Variants in GREM2 observed in about 807,000 individuals in gnomAD.
GREM2 encodes gremlin-2.
A neutral mutation model predicts 14.2 loss-of-function variants in GREM2; 11 were observed. The observed-to-expected ratio is 0.78, with a 90% CI of 0.49 to 1.28. GREM2 has a LOEUF of 1.28. Among genes scored for constraint, GREM2 ranks in the 50% most tolerant of loss-of-function variants. The pLI is 0.00. For missense variants in GREM2, 210 were observed against 218.5 expected, an observed-to-expected ratio of 0.96 and a Z score of 0.24; for synonymous variants, 98 against 97.6, an observed-to-expected ratio of 1.00 and a Z score of -0.02.
intron 1 of GREM2, among the ~76,000 whole-genome samples, chr1:240,499,564 G>T (rs1239087190): frequency 6.6e-6 from 1 of 152,158 alleles, no homozygotes; most frequent in Non-Finnish European, 1.5e-5. Flanking sequence ...GCTACTAAAG[G>T]CACTTCATCG....
chr1:240,560,391 G>T (rs1393903264), intron 1 of GREM2, among the ~76,000 whole-genome samples: 1 of 152,104 alleles, frequency 6.6e-6, no homozygotes, highest in Admixed American at 6.5e-5. Context: ...AACGTCTCAG[G>T]TCTCAGGTCA....
chr1:240,553,115 C>T (rs892009655), intron 1 of GREM2, among the ~76,000 whole-genome samples: 2 of 152,150 alleles, frequency 1.3e-5, no homozygotes, highest in African/African-American at 2.4e-5. Context: ...TCAGAAATCA[C>T]GAAGACTTTG....
intron 1 of GREM2, among the ~76,000 whole-genome samples, chr1:240,522,634 T>C (rs1467671807): frequency 6.6e-6 from 1 of 152,208 alleles, no homozygotes; most frequent in Non-Finnish European, 1.5e-5. Context: ...AACATTGACT[T>C]ACACATTTGT....
intron 1 of GREM2, among the ~76,000 whole-genome samples, chr1:240,593,320 C>T (rs934385981): frequency 2.0e-5 from 3 of 151,882 alleles, no homozygotes; most frequent in Non-Finnish European, 2.9e-5. Context: ...TCTACCATGA[C>T]ATTTATCTTA....
intron 1 of GREM2, among the ~76,000 whole-genome samples, chr1:240,585,457 C>T (rs1285471329): frequency 2.0e-5 from 3 of 151,952 alleles, no homozygotes; most frequent in African/African-American, 7.2e-5. Flanking sequence ...TGACTGGGCA[C>T]GGTGGCTCAC....
At chr1:240,548,010 C>T (rs1361714959) in intron 1 of GREM2, among the ~76,000 whole-genome samples, 1 of 151,782 alleles carries the variant, frequency 6.6e-6, no homozygotes, top group Non-Finnish European at 1.5e-5. Flanking sequence ...ACCTGTAATC[C>T]CAACGGTTTG....
intron 1 of GREM2, among the ~76,000 whole-genome samples, chr1:240,563,553 T>C (rs2103354770): frequency 6.6e-6 from 1 of 152,262 alleles, no homozygotes; most frequent in African/African-American, 2.4e-5. Context: ...GTTGCTACCT[T>C]TTGTCTGAGA....
chr1:240,554,975 C>A (rs1572396558), intron 1 of GREM2, among the ~76,000 whole-genome samples: 1 of 152,040 alleles, frequency 6.6e-6, no homozygotes, highest in Non-Finnish European at 1.5e-5. Flanking sequence ...GAAACCCTGT[C>A]TCTATTAAAA....
chr1:240,591,002 A>G (rs562929080), intron 1 of GREM2, among the ~76,000 whole-genome samples: 8 of 151,420 alleles, frequency 5.3e-5, no homozygotes, highest in Middle Eastern at 3.4e-3. Flanking sequence ...GGCTGGTCTC[A>G]AATGCCTGAC....
At chr1:240,532,841 C>T (rs1225420740) in intron 1 of GREM2, among the ~76,000 whole-genome samples, 1 of 152,202 alleles carries the variant, frequency 6.6e-6, no homozygotes, top group Non-Finnish European at 1.5e-5. Flanking sequence ...TTCCCAAAGT[C>T]ATGCACAGAA....
intron 1 of GREM2, among the ~76,000 whole-genome samples, chr1:240,565,230 T>A (rs757584492): frequency 5.3e-5 from 8 of 152,150 alleles, no homozygotes; most frequent in Non-Finnish European, 1.0e-4. Context: ...TTCTTTTAGG[T>A]CAGGACAAAG....
At chr1:240,562,872 G>C (rs1679079429) in intron 1 of GREM2, among the ~76,000 whole-genome samples, 1 of 150,394 alleles carries the variant, frequency 6.6e-6, no homozygotes, top group South Asian at 2.1e-4. Context: ...GTATATGTGA[G>C]TGTGTATGTG....
At chr1:240,564,440 G>A (rs954004443) in intron 1 of GREM2, among the ~76,000 whole-genome samples, 3 of 151,610 alleles carry the variant, frequency 2.0e-5, no homozygotes, top group Non-Finnish European at 2.9e-5. Context: ...CCTGGGAGAT[G>A]GAGGTTGCAA....
intron 1 of GREM2, among the ~76,000 whole-genome samples, chr1:240,499,047 C>G (rs1469070716): frequency 6.6e-6 from 1 of 152,182 alleles, no homozygotes; most frequent in Non-Finnish European, 1.5e-5. Context: ...CAGGCCAAAG[C>G]AAGCTAGTAT....
At chr1:240,518,841 C>T (rs1253845931) in intron 1 of GREM2, among the ~76,000 whole-genome samples, 2 of 152,152 alleles carry the variant, frequency 1.3e-5, no homozygotes, top group Non-Finnish European at 2.9e-5. Context: ...AACAAAGGCT[C>T]TCAAAGTACA....
At chr1:240,523,250 G>T (rs933380386) in intron 1 of GREM2, among the ~76,000 whole-genome samples, 2 of 152,150 alleles carry the variant, frequency 1.3e-5, no homozygotes, top group Non-Finnish European at 2.9e-5. Context: ...GTGTCACCAG[G>T]CCTGGCTAGT....
rs758201318 is a variant in GREM2 at position 240,492,643 on chromosome 1, C to A, written c.*326G>T. The A allele has an allele frequency of 1.3e-4, 25 of 191,080 alleles. No homozygotes were observed. Among genetic ancestry groups the A allele is most frequent in the Non-Finnish European group, 2.3e-4 (22 of 94,074 alleles). The allele number at this position is 191,080 out of a possible 1,614,324, so 11.8% of individuals were successfully genotyped here. A position where few individuals can be genotyped will look rare whatever the true frequency, so the allele number is the denominator to read the frequency against. ...TTTCCACATGGTGGAAACATCAATG[C>A]CGGATTTACAGTGCATCACCTCGAA... On this transcript the variant is annotated 3_prime_UTR_variant, in exon 2 of 2. Transcript: ENST00000318160.
intron 1 of GREM2, among the ~76,000 whole-genome samples, chr1:240,582,039 T>C (rs1572409484): frequency 6.6e-6 from 1 of 152,212 alleles, no homozygotes; most frequent in Non-Finnish European, 1.5e-5. Flanking sequence ...ATTCAGGAAG[T>C]CTGGGGTGGC....
At chr1:240,580,099 G>T (rs1014156462) in intron 1 of GREM2, among the ~76,000 whole-genome samples, 1 of 152,136 alleles carries the variant, frequency 6.6e-6, no homozygotes, top group Non-Finnish European at 1.5e-5. Flanking sequence ...ATGATAAAAA[G>T]TGCATGTCTG....
Sources: gnomAD v4.1 joint callset for allele counts (sites outside exome capture counted in the v4.1 genomes callset) on GRCh38, gnomAD v4.1.1 for gene constraint, MANE v1.5 for transcripts, NCBI Gene and HGNC (gene_info 2026-07-23, HGNC 2026-07-21) for gene names.